Variants in XXYLT1 observed in about 807,000 individuals in gnomAD.
XXYLT1 encodes UDP-xylose:alpha-xyloside alpha-1,3-xylosyltransferase.
In XXYLT1, 20 loss-of-function variants were observed where a neutral mutation model predicts 28.9. The observed-to-expected ratio is 0.69, with a 90% CI of 0.49 to 1.00. The LOEUF (loss-of-function observed/expected upper bound fraction) is 1.00, where lower values mean the gene tolerates loss of function less well. XXYLT1 is among the 50% of genes least tolerant of loss of function. The probability of loss-of-function intolerance (pLI) is 0.00; values close to 1 mark genes in which losing one functional copy is unlikely to be tolerated. For missense variants in XXYLT1, 542 were observed against 560.1 expected, an observed-to-expected ratio of 0.97 and a Z score of 0.33; for synonymous variants, 257 against 253.8, an observed-to-expected ratio of 1.01 and a Z score of -0.12.
chr3:195,184,345 C>T (rs2108742294), intron 2 of XXYLT1, among the ~76,000 whole-genome samples: 1 of 152,338 alleles, frequency 6.6e-6, no homozygotes, highest in Non-Finnish European at 1.5e-5. Flanking sequence ...ATATGTGGAG[C>T]TCTCCATACC....
intron 2 of XXYLT1, among the ~76,000 whole-genome samples, chr3:195,167,169 C>T (rs928472751): frequency 1.3e-5 from 2 of 152,232 alleles, no homozygotes; most frequent in South Asian, 4.1e-4. Context: ...AGTCAAGCTA[C>T]TATTTTTCTC....
chr3:195,247,693 A>G, intron 1 of XXYLT1: 2 of 658,980 alleles, frequency 3.0e-6, no homozygotes, highest in Non-Finnish European at 5.5e-6. Context: ...CAGCTGCTGT[A>G]TTAGCCTGTT....
chr3:195,106,121 T>C (rs1466781110), intron 3 of XXYLT1, among the ~76,000 whole-genome samples: 2 of 152,244 alleles, frequency 1.3e-5, no homozygotes, highest in Non-Finnish European at 1.5e-5. Flanking sequence ...ATTAATAAAG[T>C]TACCAATCAA....
intron 2 of XXYLT1, among the ~76,000 whole-genome samples, chr3:195,196,318 G>A (rs934184019): frequency 1.2e-4 from 18 of 152,208 alleles, no homozygotes; most frequent in African/African-American, 4.1e-4. Flanking sequence ...ATCCTGCAGG[G>A]TGCGGCAGGA....
At chr3:195,083,421 T>C (rs1715549214) in intron 3 of XXYLT1, among the ~76,000 whole-genome samples, 1 of 152,192 alleles carries the variant, frequency 6.6e-6, no homozygotes, top group African/African-American at 2.4e-5. Flanking sequence ...CTTTTTCCTT[T>C]GGTCAACACC....
chr3:195,191,946 G>T (rs891570208), intron 2 of XXYLT1, among the ~76,000 whole-genome samples: 9 of 152,158 alleles, frequency 5.9e-5, no homozygotes, highest in African/African-American at 2.2e-4. Context: ...GATAATTGAT[G>T]GAACAGAATA....
chr3:195,263,376 T>C (rs939338012), intron 1 of XXYLT1, among the ~76,000 whole-genome samples: 7 of 152,158 alleles, frequency 4.6e-5, no homozygotes, highest in Non-Finnish European at 7.4e-5. Flanking sequence ...CCCGGTGACG[T>C]TGCTGGGAGG....
chr3:195,114,704 C>T (rs1396946664), intron 3 of XXYLT1, among the ~76,000 whole-genome samples: 1 of 152,216 alleles, frequency 6.6e-6, no homozygotes, highest in African/African-American at 2.4e-5. Context: ...TAGAAGGCAG[C>T]GCGGCTTTGC....
chr3:195,101,257 A>G (rs982864407), intron 3 of XXYLT1, among the ~76,000 whole-genome samples: 4 of 152,260 alleles, frequency 2.6e-5, no homozygotes, highest in Non-Finnish European at 5.9e-5. Flanking sequence ...ATTGATTGGG[A>G]GCAATTAAGG....
intron 3 of XXYLT1, among the ~76,000 whole-genome samples, chr3:195,122,418 G>A (rs1718408035): frequency 6.7e-6 from 1 of 149,086 alleles, no homozygotes; most frequent in Non-Finnish European, 1.5e-5. Flanking sequence ...CTGGAATGTA[G>A]TACTGAGTAG....
Position 195,069,931 on chromosome 3 carries a change from G to C in XXYLT1, c.966C>G (p.Tyr322Ter), listed in dbSNP as rs913533235. ...GGTCCCCGAGGTGGCCGCGGAAGTG[G>C]TACTTGTCGGCCAGCTGCTGCACCT... ...PAQVQQLADK[Y>*]HFRGHLGDQD... Residue 322 changes from tyrosine to a stop codon, truncating the protein, a stop_gained, in exon 4 of 4, where the codon TAC becomes TAG. Coordinates refer to ENST00000310380, the MANE Select transcript of XXYLT1 (RefSeq NM_152531.5). LOFTEE classifies it high-confidence loss of function. 1.4e-5 allele frequency: 23 copies of C among 1,613,278 alleles called. No individual in the cohort carries two copies. Among genetic ancestry groups the C allele is most frequent in the Non-Finnish European group, 1.8e-5 (21 of 1,179,846 alleles).
At chr3:195,246,126 T>C (rs1445106421) in intron 1 of XXYLT1, among the ~76,000 whole-genome samples, 3 of 152,256 alleles carry the variant, frequency 2.0e-5, no homozygotes, top group Non-Finnish European at 2.9e-5. Flanking sequence ...CCAGGTTTTT[T>C]CTTGCCTGTA....
intron 3 of XXYLT1, among the ~76,000 whole-genome samples, chr3:195,082,578 C>A (rs1715494678): frequency 6.6e-6 from 1 of 152,198 alleles, no homozygotes; most frequent in South Asian, 2.1e-4. Context: ...CTCGGCTGGG[C>A]ACGGTGGCTC....
chr3:195,086,360 G>A (rs1405377826), intron 3 of XXYLT1, among the ~76,000 whole-genome samples: 1 of 152,148 alleles, frequency 6.6e-6, no homozygotes, highest in Non-Finnish European at 1.5e-5. Flanking sequence ...CTTATCAAAG[G>A]TAGCCAGGTC....
At chr3:195,155,609 A>C (rs1560124993) in intron 3 of XXYLT1, among the ~76,000 whole-genome samples, 1 of 151,912 alleles carries the variant, frequency 6.6e-6, no homozygotes, top group Admixed American at 6.6e-5. Context: ...AGCTAAGCTA[A>C]GTGGGGAACT....
At chr3:195,070,234 C>T (rs1714725911) in intron 3 of XXYLT1, 123 bp from the exon 4 acceptor site, 12 of 1,275,590 alleles carry the variant, frequency 9.4e-6, no homozygotes, top group African/African-American at 1.5e-5. Flanking sequence ...GCAGAATCCG[C>T]ATCACTACAC....
rs1718810464 is a variant in XXYLT1 at position 195,129,765 on chromosome 3, C to T, written c.785+26684G>A. On this transcript the variant is annotated intron_variant, in intron 3 of 3. Coordinates refer to ENST00000310380, the MANE Select transcript of XXYLT1 (RefSeq NM_152531.5). This position sits in a 1 kb window ranked among gnomAD's most constrained non-coding sequence, Gnocchi z 4.4. ...CACCGTTTGGCTATTATGACTCATGCTGATACGAACGTCCATTTGCATGTT... is the reference window on the plus strand; with the variant it reads ...CACCGTTTGGCTATTATGACTCATGTTGATACGAACGTCCATTTGCATGTT... 6.6e-6 allele frequency among the ~76,000 whole-genome samples: 1 copy of T among 152,114 alleles called. No homozygotes were observed. The highest frequency in any genetic ancestry group is 2.4e-5 in the African/African-American group (1 of 41,418).
chr3:195,158,334 G>A (rs1207214492), intron 2 of XXYLT1, among the ~76,000 whole-genome samples: 1 of 152,204 alleles, frequency 6.6e-6, no homozygotes, highest in African/African-American at 2.4e-5. Flanking sequence ...CTTCTGGAGA[G>A]GGCATTCCTT....
chr3:195,080,075 G>A (rs899846401), intron 3 of XXYLT1, among the ~76,000 whole-genome samples: 7 of 152,150 alleles, frequency 4.6e-5, no homozygotes, highest in African/African-American at 1.4e-4. Context: ...TTGGATGAAG[G>A]CAGTGGCACA....
Sources: gnomAD v4.1 joint callset for allele counts (sites outside exome capture counted in the v4.1 genomes callset) on GRCh38, gnomAD v4.1.1 for gene constraint, Gnocchi (gnomAD v3.1) non-coding constraint, MANE v1.5 for transcripts, NCBI Gene and HGNC (gene_info 2026-07-23, HGNC 2026-07-21) for gene names.